Variants in GIT2 observed in about 807,000 individuals in gnomAD.
GIT2 encodes the protein ARF GTPase-activating protein GIT2.
Under a neutral mutation model 100.3 loss-of-function variants are expected in GIT2, and 32 were observed. That is an observed-to-expected ratio of 0.32 (90% CI 0.24 to 0.43). The LOEUF is 0.43. Ranked by LOEUF, GIT2 falls within the 20% of genes least tolerant of loss-of-function variation. GIT2 has a pLI of 1.00. For synonymous variants in GIT2, 353 were observed against 364.1 expected, an observed-to-expected ratio of 0.97 and a Z score of 0.35; for missense variants, 737 against 975.1, an observed-to-expected ratio of 0.76 and a Z score of 3.25.
Position 109,983,602 on chromosome 12 carries a change from T to C in GIT2, c.492+6A>G. ...TCAATATCTGAAGCAATTCATGTTT[T>C]CTTACAGGATGAAAGAAGTTGGCTT... On this transcript the variant is annotated splice_donor_region_variant and intron_variant, in intron 5 of 19. Coordinates refer to ENST00000355312, the MANE Select transcript of GIT2 (RefSeq NM_057169.5). The C allele has an allele frequency of 6.2e-7, 1 of 1,606,662 alleles. No individual in the cohort carries two copies. The highest frequency in any genetic ancestry group is 1.3e-5 in the African/African-American group (1 of 74,882).
At chr12:109,980,381 ATTTATTTATTTATT>A (rs1422775954) in intron 7 of GIT2, among the ~76,000 whole-genome samples, 1 of 151,808 alleles carries the variant, frequency 6.6e-6, no homozygotes, top group Admixed American at 6.6e-5. Flanking sequence ...AGCTTTATTT[ATTTATTTATTTATT>A]TTTATTTATT....
chr12:109,944,699 T>G (rs1875779140), intron 16 of GIT2, among the ~76,000 whole-genome samples: 1 of 152,130 alleles, frequency 6.6e-6, no homozygotes, highest in Admixed American at 6.5e-5. Context: ...AGTGAACAGC[T>G]TTAGGTTAAC....
At chr12:109,983,822 G>C in intron 4 of GIT2, 128 bp from the exon 5 acceptor site, 4 of 638,102 alleles carry the variant, frequency 6.3e-6, no homozygotes. Flanking sequence ...TCTCGGTAAA[G>C]TGCATGGACC....
intron 7 of GIT2, among the ~76,000 whole-genome samples, chr12:109,979,850 C>T (rs183891988): frequency 1.8e-3 from 281 of 152,264 alleles, no homozygotes; most frequent in Admixed American, 2.9e-3. Context: ...CTCTATCATA[C>T]AACCAGGATG....
In GIT2 at chr12:109,929,841, C is replaced by T. The variant is rs1184475293; in HGVS notation, c.*3137G>A. On this transcript the variant is annotated 3_prime_UTR_variant, in exon 20 of 20. Coordinates refer to ENST00000355312, the MANE Select transcript of GIT2 (RefSeq NM_057169.5). ...CTGTTTATTGCATAACTAGCAGGCA[C>T]AAATTCCAAAACGATTTTACAACAC... The T allele has an allele frequency of 6.6e-6, 1 of 152,494 alleles. No individual in the cohort carries two copies. The highest frequency in any genetic ancestry group is 1.5e-5 in the Non-Finnish European group (1 of 68,022). 9.4% of individuals were successfully genotyped at this position (152,494 alleles called of 1,614,324 possible).
At chr12:109,938,589 G>A in intron 17 of GIT2, 21 bp from the exon 18 acceptor site, 4 of 1,545,402 alleles carry the variant, frequency 2.6e-6, no homozygotes, top group Non-Finnish European at 3.5e-6. Context: ...TAAAGATGCA[G>A]TTAAATACAG....
intron 12 of GIT2, chr12:109,953,468 A>C: frequency 2.3e-6 from 1 of 427,014 alleles, no homozygotes; most frequent in East Asian, 4.3e-5. Context: ...AATAATTTAA[A>C]AATTATCCAG....
chr12:109,932,843 A>G lies in GIT2; in HGVS notation c.*135T>C, dbSNP rs922106602. 6.4e-6 allele frequency: 4 copies of G among 625,310 alleles called. No individual in the cohort carries two copies. Among genetic ancestry groups the G allele is most frequent in the African/African-American group, 3.7e-5 (2 of 54,608 alleles). 38.7% of individuals were successfully genotyped at this position (625,310 alleles called of 1,614,324 possible). Reference sequence around the variant, plus strand: ...TGGTTAGAAAACATGCAAAAATAATACTGAGTTTTCTTTTAAAAAGTTTTA... The same window carrying G: ...TGGTTAGAAAACATGCAAAAATAATGCTGAGTTTTCTTTTAAAAAGTTTTA... On this transcript the variant is annotated 3_prime_UTR_variant, in exon 20 of 20. Transcript: ENST00000355312.
upstream of GIT2, chr12:109,999,542 G>A: frequency 2.0e-6 from 1 of 497,876 alleles, no homozygotes; most frequent in Non-Finnish European, 3.1e-6. The surrounding 1 kb of genome is among the most constrained non-coding windows in gnomAD (Gnocchi z 4.3). Context: ...CGCGCGCCCC[G>A]CACCCGACCG....
rs966104659 is a variant in GIT2, at chr12:109,961,497, C to T, written c.889+116G>A. 35 of 925,248 alleles carry T rather than the reference C, an allele frequency of 3.8e-5. No individual in the cohort carries two copies. In the East Asian group the frequency reaches 5.8e-4, roughly 15 times the overall value. The allele number at this position is 925,248 out of a possible 1,614,324, so 57.3% of individuals were successfully genotyped here. A position where few individuals can be genotyped will look rare whatever the true frequency, so the allele number is the denominator to read the frequency against. ...TGAAGCCAACACACGCAAAGGCAAACGTCGACACTCGCACCATCAGGACAG... is the reference window on the plus strand; with the variant it reads ...TGAAGCCAACACACGCAAAGGCAAATGTCGACACTCGCACCATCAGGACAG... On this transcript the variant is annotated intron_variant, in intron 10 of 19. Transcript: ENST00000355312.
Position 109,983,335 on chromosome 12 carries a change from A to G in GIT2, c.623+38T>C, listed in dbSNP as rs534046178. On this transcript the variant is annotated intron_variant, in intron 6 of 19. Coordinates refer to ENST00000355312, the MANE Select transcript of GIT2 (RefSeq NM_057169.5). Reference sequence around the variant, plus strand: ...AACAAGGAATCACACCCAACAAAAAAATCCCAGAGAGAAGTAGCGAGAATC... The same window carrying G: ...AACAAGGAATCACACCCAACAAAAAGATCCCAGAGAGAAGTAGCGAGAATC... The G allele has an allele frequency of 1.5e-5, 24 of 1,598,234 alleles. No homozygotes were observed. In the African/African-American group the frequency reaches 2.7e-4, roughly 18 times the overall value.
intron 1 of GIT2, among the ~76,000 whole-genome samples, chr12:109,993,825 A>G (rs1320766023): frequency 2.0e-5 from 3 of 152,026 alleles, no homozygotes; most frequent in East Asian, 3.8e-4. Context: ...AAGTAATTGA[A>G]CTCAGAGTGT....
Position 109,947,237 on chromosome 12 carries a change from C to G in GIT2, c.1641+19G>C. 2 of 1,605,944 alleles carry G rather than the reference C, an allele frequency of 1.2e-6. No individual in the cohort carries two copies. Among genetic ancestry groups the G allele is most frequent in the Non-Finnish European group, 1.7e-6 (2 of 1,175,134 alleles). On this transcript the variant is annotated intron_variant, in intron 15 of 19. Transcript: ENST00000355312. This position sits in a 1 kb window ranked among gnomAD's most constrained non-coding sequence, Gnocchi z 4.3. The stretch of plus-strand genomic sequence containing the variant: ...GGCTGCATAGAGTGAACAGCAGAAG[C>G]GCCAGTGGTGTTACTTACGTGCGCG...
chr12:109,945,051 T>C (rs1565943016), intron 16 of GIT2, among the ~76,000 whole-genome samples: 1 of 152,090 alleles, frequency 6.6e-6, no homozygotes, highest in Non-Finnish European at 1.5e-5. Context: ...ATGAGCAGTA[T>C]GGGGTTAGAG....
In GIT2 at chr12:109,962,760, T is replaced by A. The variant is rs1881397509; in HGVS notation, c.817-1075A>T. ...TATATTCCCTATTGGGTTCCTTACA[T>A]CCACACATGGTACCTCACACTTTAA... On this transcript the variant is annotated intron_variant, in intron 9 of 19. Transcript: ENST00000355312. This position sits in a 1 kb window ranked among gnomAD's most constrained non-coding sequence, Gnocchi z 4.3. 6.6e-6 allele frequency among the ~76,000 whole-genome samples: 1 copy of A among 152,216 alleles called. No homozygotes were observed. The highest frequency in any genetic ancestry group is 2.4e-5 in the African/African-American group (1 of 41,452).
intron 7 of GIT2, among the ~76,000 whole-genome samples, chr12:109,967,777 G>T (rs974968516): frequency 1.3e-5 from 2 of 152,160 alleles, no homozygotes; most frequent in Admixed American, 1.3e-4. Flanking sequence ...TGTAACTGAC[G>T]ATCTTTGGCC....
chr12:109,961,699 A>G lies in GIT2; in HGVS notation c.817-14T>C. On this transcript the variant is annotated splice_polypyrimidine_tract_variant and intron_variant, in intron 9 of 19. Transcript: ENST00000355312. ...ATGATTACTTAGCTGAAAATAAAAA[A>G]TATCAGGAACACAAGGGACAATGAT... 1 of 1,486,932 alleles carries G rather than the reference A, an allele frequency of 6.7e-7. No homozygotes were observed. The highest frequency in any genetic ancestry group is 1.1e-5 in the South Asian group (1 of 88,484). 92.1% of individuals were successfully genotyped at this position (1,486,932 alleles called of 1,614,324 possible).
chr12:109,998,642 C>T (rs1288372560), upstream of GIT2: 1 of 152,072 alleles, frequency 6.6e-6, no homozygotes, highest in East Asian at 1.9e-4. Flanking sequence ...TCAGCCATAA[C>T]CTCAAATCCA....
intron 4 of GIT2, among the ~76,000 whole-genome samples, chr12:109,984,403 C>T (rs113162207): frequency 5.4e-4 from 82 of 151,564 alleles, no homozygotes; most frequent in African/African-American, 1.9e-3. Flanking sequence ...CAGAGCGAGA[C>T]CCTGTCTCAA....
Sources: allele counts gnomAD v4.1 joint callset (sites outside exome capture counted in the v4.1 genomes callset), GRCh38; gene constraint gnomAD v4.1.1; non-coding constraint Gnocchi (gnomAD v3.1); transcripts MANE v1.5; gene names NCBI Gene and HGNC (gene_info 2026-07-23, HGNC 2026-07-21).